Variants in PARP9 observed in about 807,000 individuals in gnomAD.
PARP9 encodes the protein poly(ADP-ribose) polymerase family member 9.
PARP9 carries 48 observed loss-of-function variants against 68.8 expected under a neutral mutation model. That is an observed-to-expected ratio of 0.70 (90% CI 0.55 to 0.89). PARP9 has a LOEUF of 0.89. PARP9 is among the 40% of genes least tolerant of loss of function. PARP9 has a pLI of 0.00. For synonymous variants in PARP9, 309 were observed against 333.8 expected, an observed-to-expected ratio of 0.93 and a Z score of 0.81; for missense variants, 806 against 969.3, an observed-to-expected ratio of 0.83 and a Z score of 2.24.
chr3:122,558,232 G>A (rs2079871463), intron 3 of PARP9: 2 of 1,389,374 alleles, frequency 1.4e-6, no homozygotes, highest in South Asian at 2.8e-5. Flanking sequence ...CAAAGGAGAG[G>A]AATGGTGTAG....
chr3:122,562,190 TTTC>T (rs150405634), intron 1 of PARP9, among the ~76,000 whole-genome samples: 3 of 121,764 alleles, frequency 2.5e-5, no homozygotes, highest in Non-Finnish European at 5.6e-5. Flanking sequence ...TTTCTTTTCT[TTTC>T]TTTTCTTTTC....
chr3:122,553,451 A>G (rs958899670), intron 4 of PARP9, among the ~76,000 whole-genome samples: 4 of 152,190 alleles, frequency 2.6e-5, no homozygotes, highest in African/African-American at 7.2e-5. Flanking sequence ...TGAAAGCACA[A>G]TTAGAATTTG....
At chr3:122,552,116 T>G (rs2079251059) in intron 5 of PARP9, among the ~76,000 whole-genome samples, 1 of 151,476 alleles carries the variant, frequency 6.6e-6, no homozygotes, top group African/African-American at 2.4e-5. Context: ...ATGGGGGTCT[T>G]GCTATGTTGC....
At chr3:122,548,259 A>T (rs892820005) in intron 6 of PARP9, among the ~76,000 whole-genome samples, 2 of 152,232 alleles carry the variant, frequency 1.3e-5, no homozygotes, top group African/African-American at 4.8e-5. Context: ...GTATAAATTC[A>T]CTTCCATATA....
At position 122,528,671 on chromosome 3, in the gene PARP9, GA is replaced by G. The variant is rs779784333; in HGVS notation, c.2152del (p.Ser718LeufsTer6). On this transcript the variant is annotated frameshift_variant, in exon 11 of 11. Coordinates refer to ENST00000682323, the MANE Select transcript of PARP9 (RefSeq NM_001146105.2). LOFTEE classifies it low-confidence loss of function (END_TRUNC). The stretch of plus-strand genomic sequence containing the variant: ...CACATAGATCAGCTTATCTGCAGCA[GA>G]GATTTTCTTGGCCTTCTCTGCCAGG... Reference protein sequence around the residue: ...KNLAEKAKKISAADKLIYVFE... With the variant: ...KNLAEKAKKIXAADKLIYVFE... The G allele has an allele frequency of 3.7e-6, 6 of 1,614,076 alleles. No homozygotes were observed. Among genetic ancestry groups the G allele is most frequent in the Non-Finnish European group, 5.1e-6 (6 of 1,180,014 alleles).
At chr3:122,535,257 C>T in intron 10 of PARP9, 1 of 985,322 alleles carries the variant, frequency 1.0e-6, no homozygotes, top group Non-Finnish European at 1.2e-6. Flanking sequence ...GGTAGGGATT[C>T]ATTTCTCTAT....
intron 6 of PARP9, among the ~76,000 whole-genome samples, chr3:122,547,008 A>G (rs2078766797): frequency 8.6e-6 from 1 of 115,720 alleles, no homozygotes; most frequent in Non-Finnish European, 1.8e-5. Context: ...ATATATATAT[A>G]TATATACACA....
intron 3 of PARP9, 42 bp downstream of exon 3, chr3:122,558,392 C>G (rs1180771715): frequency 6.2e-7 from 1 of 1,614,158 alleles, no homozygotes; most frequent in East Asian, 2.2e-5. Flanking sequence ...AAGATCTGAG[C>G]AAAGACTTTC....
intron 3 of PARP9, among the ~76,000 whole-genome samples, chr3:122,556,718 A>G (rs1228632094): frequency 1.3e-5 from 2 of 152,186 alleles, no homozygotes; most frequent in Non-Finnish European, 2.9e-5. Context: ...ACGTGTAACT[A>G]GGCAGATGGA....
intron 3 of PARP9, among the ~76,000 whole-genome samples, chr3:122,557,230 G>A (rs932113483): frequency 2.0e-5 from 3 of 152,122 alleles, no homozygotes; most frequent in Non-Finnish European, 4.4e-5. Flanking sequence ...CTTCAAAAAG[G>A]CCACCATGCC....
intron 1 of PARP9, among the ~76,000 whole-genome samples, chr3:122,561,740 C>G (rs949694243): frequency 1.3e-5 from 2 of 152,198 alleles, no homozygotes; most frequent in African/African-American, 4.8e-5. Flanking sequence ...TGCATACTCC[C>G]CAGGAGTGAT....
At chr3:122,533,608 TTA>T (rs1017798685) in intron 10 of PARP9, 21 of 850,742 alleles carry the variant, frequency 2.5e-5, no homozygotes, top group Non-Finnish European at 3.0e-5. Context: ...CTATGGTTTT[TTA>T]TTTACACTCT....
intron 8 of PARP9, among the ~76,000 whole-genome samples, chr3:122,539,098 G>A (rs1178952947): frequency 1.3e-5 from 2 of 152,018 alleles, no homozygotes; most frequent in African/African-American, 4.8e-5. Context: ...ATTCTTTAAG[G>A]TTCCCTATTT....
intron 6 of PARP9, 71 bp downstream of exon 6, chr3:122,550,513 T>C: frequency 8.0e-7 from 1 of 1,246,662 alleles, no homozygotes; most frequent in South Asian, 1.3e-5. Context: ...ACATTGTAGA[T>C]ACTAAACAGA....
Position 122,536,334 on chromosome 3 carries a change from C to G in PARP9, c.1914G>C (p.Lys638Asn), listed in dbSNP as rs759283033. 8.7e-6 allele frequency: 14 copies of G among 1,614,094 alleles called. No homozygotes were observed. The highest frequency in any genetic ancestry group is 1.2e-5 in the Non-Finnish European group (14 of 1,179,988). ...KCGLQVLKVE[K>N]IDNEVLMAAF... ...CAGCCATAAGGACCTCATTGTCTAT[C>G]TTCTCCACCTAGAACCATAGAAAAG... is the stretch of plus-strand genomic sequence containing the variant. Residue 638 changes from lysine to asparagine, a missense_variant, in exon 10 of 11, where the codon AAG becomes AAC. Lys to Asn is a moderately conservative substitution (Grantham distance 94, BLOSUM62 0). Transcript: ENST00000682323.
At chr3:122,547,404 A>C (rs148370147) in intron 6 of PARP9, among the ~76,000 whole-genome samples, 44 of 152,090 alleles carry the variant, frequency 2.9e-4, no homozygotes, top group African/African-American at 1.0e-3. Context: ...CCCCTACGGC[A>C]CTATTTTTAT....
intron 4 of PARP9, 98 bp from the exon 5 acceptor site, chr3:122,552,737 C>A (rs772862369): frequency 2.6e-4 from 216 of 842,716 alleles, no homozygotes; most frequent in Middle Eastern, 1.1e-3. Context: ...GAAAAATACT[C>A]TTTGAAGATC....
Position 122,559,460 on chromosome 3 carries a change from G to C in PARP9, c.15+146C>G, listed in dbSNP as rs554438456. 1.1e-4 allele frequency: 72 copies of C among 643,390 alleles called. 1 individual carries two copies. In the South Asian group the frequency reaches 3.2e-3, roughly 29 times the overall value. The allele number at this position is 643,390 out of a possible 1,614,324, so 39.9% of individuals were successfully genotyped here. A position where few individuals can be genotyped will look rare whatever the true frequency, so the allele number is the denominator to read the frequency against. On this transcript the variant is annotated intron_variant, in intron 2 of 10. Coordinates refer to ENST00000682323, the MANE Select transcript of PARP9 (RefSeq NM_001146105.2). ...TTCTTGATTCCCCATTTCTCAAGAA[G>C]GGAGAAAGGAGAAAACTTTATTGAG...
At chr3:122,531,785 T>TA (rs1282083138) in intron 10 of PARP9, 1 of 152,030 alleles carries the variant, frequency 6.6e-6, no homozygotes, top group Non-Finnish European at 1.5e-5. Context: ...GTTGTTTTTT[T>TA]TTATTATTTT....
Sources: allele counts gnomAD v4.1 joint callset (sites outside exome capture counted in the v4.1 genomes callset), GRCh38; gene constraint gnomAD v4.1.1; transcripts MANE v1.5; gene names NCBI Gene and HGNC (gene_info 2026-07-23, HGNC 2026-07-21).